The following GAB2 variants were observed in gnomAD, a reference collection of about 807,000 sequenced individuals.
GAB2 encodes GRB2-associated-binding protein 2.
GAB2 carries 26 observed loss-of-function variants against 65.5 expected under a neutral mutation model. That is an observed-to-expected ratio of 0.40 (90% confidence interval 0.29 to 0.55). GAB2 has a LOEUF of 0.55. GAB2 is among the 20% of genes least tolerant of loss of function. The pLI is 0.53. For missense variants in GAB2, 884 were observed against 875.8 expected (o/e 1.01, Z -0.12); for synonymous variants, 321 against 329.6 (o/e 0.97, Z 0.28).
chr11:78,330,355 G>A (rs1446753042), intron 1 of GAB2, among the ~76,000 whole-genome samples: 6 of 152,200 alleles, frequency 3.9e-5, no homozygotes, highest in Admixed American at 3.3e-4. Flanking sequence ...GTGACAAACA[G>A]CAGGTCTCTG....
intron 3 of GAB2, among the ~76,000 whole-genome samples, chr11:78,232,165 A>G (rs1196326276): frequency 2.6e-5 from 4 of 152,244 alleles, no homozygotes; most frequent in African/African-American, 9.6e-5. Flanking sequence ...GAGTCAGGGA[A>G]GACTTAGAAA....
intron 1 of GAB2, among the ~76,000 whole-genome samples, chr11:78,328,274 T>C (rs1178822316): frequency 6.6e-6 from 1 of 152,212 alleles, no homozygotes; most frequent in Admixed American, 6.5e-5. Flanking sequence ...CTGGTAGCAT[T>C]GCATTTGCAG....
At chr11:78,309,971 T>TGTGTGTGTGTGTGCGCGCGCGC (rs1421836447) in intron 1 of GAB2, among the ~76,000 whole-genome samples, 6 of 120,084 alleles carry the variant, frequency 5.0e-5, no homozygotes, top group African/African-American at 2.1e-4. Flanking sequence ...TGTGTGTGTG[T>TGTGTGTGTGTGTGCGCGCGCGC]GCGCGCGCGC....
Position 78,393,402 on chromosome 11 carries a change from C to G in GAB2, c.75+24244G>C, listed in dbSNP as rs1230310147. Among the ~76,000 whole-genome samples, 7 of 152,222 alleles carry G rather than the reference C, an allele frequency of 4.6e-5. No individual in the cohort carries two copies. In the East Asian group the frequency reaches 1.3e-3, roughly 29 times the overall value. On this transcript the variant is annotated intron_variant, in intron 1 of 9. Coordinates refer to ENST00000361507, the MANE Select transcript of GAB2 (RefSeq NM_080491.3). The stretch of plus-strand genomic sequence containing the variant: ...TGAACAAGTCATTTAAAATATGAGC[C>G]AATAATACATGAAAATATATTCAAA...
chr11:78,262,077 A>T (rs180867521), intron 2 of GAB2, among the ~76,000 whole-genome samples: 2 of 152,308 alleles, frequency 1.3e-5, no homozygotes, highest in African/African-American at 2.4e-5. Flanking sequence ...AAGAATCGTG[A>T]TCAGCGGCAA....
At chr11:78,249,433 C>T (rs903438403) in intron 3 of GAB2, among the ~76,000 whole-genome samples, 1 of 152,342 alleles carries the variant, frequency 6.6e-6, no homozygotes, top group Middle Eastern at 3.4e-3. Context: ...CTGGCAAAGC[C>T]TATCAGCTCT....
intron 1 of GAB2, among the ~76,000 whole-genome samples, chr11:78,395,959 A>T (rs1015753199): frequency 2.0e-5 from 3 of 152,238 alleles, no homozygotes; most frequent in African/African-American, 7.2e-5. Context: ...TTCTTTTTTC[A>T]ATCTTGAGTT....
intron 1 of GAB2, among the ~76,000 whole-genome samples, chr11:78,295,612 T>C (rs151295294): frequency 2.6e-4 from 39 of 152,200 alleles, no homozygotes; most frequent in Non-Finnish European, 3.7e-4. Context: ...TCAGTGCTCT[T>C]ATAATGGTAT....
rs542100466 is a variant in GAB2 at position 78,216,557 on chromosome 11, C to A, written c.*2715G>T. 6.6e-6 allele frequency: 1 copy of A among 152,102 alleles called. No individual in the cohort carries two copies. The highest frequency in any genetic ancestry group is 6.5e-5 in the Admixed American group (1 of 15,278). The allele number at this position is 152,102 out of a possible 1,614,324, so 9.4% of individuals were successfully genotyped here. A position where few individuals can be genotyped will look rare whatever the true frequency, so the allele number is the denominator to read the frequency against. The stretch of plus-strand genomic sequence containing the variant: ...CCATCTCTACCCCTACACTTGCACC[C>A]GAGGGATTTTGGTAGTTACCAGAAT... On this transcript the variant is annotated 3_prime_UTR_variant, in exon 10 of 10. Transcript: ENST00000361507.
intron 1 of GAB2, among the ~76,000 whole-genome samples, chr11:78,391,766 G>C (rs1426604989): frequency 2.0e-5 from 3 of 152,190 alleles, no homozygotes; most frequent in African/African-American, 7.2e-5. Flanking sequence ...TTGGGGAGCA[G>C]AATCAAGTTC....
chr11:78,263,926 A>G (rs1309018676), intron 2 of GAB2, among the ~76,000 whole-genome samples: 4 of 149,698 alleles, frequency 2.7e-5, no homozygotes, highest in African/African-American at 9.9e-5. Context: ...TAAGTAAAAC[A>G]TCTCATTGGG....
chr11:78,335,432 G>T (rs1361837420), intron 1 of GAB2, among the ~76,000 whole-genome samples: 2 of 152,182 alleles, frequency 1.3e-5, no homozygotes, highest in Non-Finnish European at 2.9e-5. Flanking sequence ...GTGAAAGATA[G>T]GGATCTAGTT....
At chr11:78,302,780 A>G (rs539154685) in intron 1 of GAB2, among the ~76,000 whole-genome samples, 7 of 152,366 alleles carry the variant, frequency 4.6e-5, no homozygotes, top group East Asian at 1.9e-4. Flanking sequence ...ACCATCCCAA[A>G]TACCTATCAA....
rs928916651 is a variant in GAB2, at chr11:78,250,323, G to A, written c.454C>T (p.Leu152Phe). 1 of 1,613,850 alleles carries A rather than the reference G, an allele frequency of 6.2e-7. No homozygotes were observed. Among genetic ancestry groups the A allele is most frequent in the African/African-American group, 1.3e-5 (1 of 74,950 alleles). Reference protein sequence around the residue: ...PAELSSSSQHLLRERKSSAPS... With the variant: ...PAELSSSSQHFLRERKSSAPS... The stretch of plus-strand genomic sequence containing the variant: ...GCTGAGGACTTGCGCTCTCGGAGAA[G>A]GTGCTGGCTAGAGCTGCTGAGCTCA... The change falls in exon 3 of 10, where the codon CTT becomes TTT. Residue 152 changes from leucine (L) to phenylalanine (F), a missense_variant. Transcript: ENST00000361507.
chr11:78,297,336 TA>T (rs1239505992), intron 1 of GAB2, among the ~76,000 whole-genome samples: 5 of 152,070 alleles, frequency 3.3e-5, no homozygotes, highest in Admixed American at 1.3e-4. Context: ...GAAAATAACA[TA>T]TTTTTAAGTA....
chr11:78,396,938 G>T (rs750372466), intron 1 of GAB2, among the ~76,000 whole-genome samples: 1 of 152,082 alleles, frequency 6.6e-6, no homozygotes, highest in African/African-American at 2.4e-5. Context: ...CACACAAAGG[G>T]TGAAACAGCC....
At chr11:78,402,066 C>T (rs1313379336) in intron 1 of GAB2, among the ~76,000 whole-genome samples, 1 of 152,090 alleles carries the variant, frequency 6.6e-6, no homozygotes, top group Non-Finnish European at 1.5e-5. Context: ...CTTCCCCTCC[C>T]CTGTTCTTAC....
At chr11:78,380,538 T>A (rs772820579) in intron 1 of GAB2, among the ~76,000 whole-genome samples, 3 of 152,216 alleles carry the variant, frequency 2.0e-5, no homozygotes, top group Non-Finnish European at 4.4e-5. Flanking sequence ...GACTCCCTAA[T>A]AGCTGTAGAA....
intron 1 of GAB2, among the ~76,000 whole-genome samples, chr11:78,282,565 T>C (rs924892752): frequency 6.6e-6 from 1 of 152,066 alleles, no homozygotes; most frequent in Non-Finnish European, 1.5e-5. Context: ...TGCCTCAGCC[T>C]CCCAAAGTGC....
Sources: allele counts gnomAD v4.1 joint callset (sites outside exome capture counted in the v4.1 genomes callset), GRCh38; gene constraint gnomAD v4.1.1; transcripts MANE v1.5; gene names NCBI Gene and HGNC (gene_info 2026-07-23, HGNC 2026-07-21).